The following CLIP1 variants were observed in gnomAD, a reference collection of about 807,000 sequenced individuals.
CLIP1 encodes CAP-Gly domain-containing linker protein 1.
In CLIP1, 66 loss-of-function variants were observed where a neutral mutation model predicts 161.6. The observed-to-expected ratio is 0.41, with a 90% confidence interval of 0.33 to 0.50. The LOEUF (loss-of-function observed/expected upper bound fraction) is 0.50, where lower values mean the gene tolerates loss of function less well. Among genes scored for constraint, CLIP1 ranks in the 20% least tolerant of loss-of-function variants. The pLI, the probability that CLIP1 is intolerant of heterozygous loss-of-function variation, is 0.27. For synonymous variants in CLIP1, 598 were observed against 626.2 expected (o/e 0.96, Z 0.67); for missense variants, 1,376 against 1,702.0 (o/e 0.81, Z 3.37).
intron 1 of CLIP1, among the ~76,000 whole-genome samples, chr12:122,394,806 T>C (rs1279106025): frequency 6.6e-6 from 1 of 152,030 alleles, no homozygotes; most frequent in East Asian, 1.9e-4. Flanking sequence ...TGAGCCGAGA[T>C]TGCATCACTG....
Position 122,328,247 on chromosome 12 carries a change from G to A in CLIP1, c.3033+14C>T, listed in dbSNP as rs191751547. ...TTCCTTGCCAGCCAACAGGCCCACT[G>A]AGTATCTCCTTACCAGGTCCGACAA... On this transcript the variant is annotated intron_variant, in intron 16 of 25. Transcript: ENST00000620786. 3 of 1,613,548 alleles carry A rather than the reference G, an allele frequency of 1.9e-6. No individual in the cohort carries two copies. In the African/African-American group the frequency reaches 4.0e-5, roughly 22 times the overall value.
At chr12:122,390,425 T>A (rs1345930707) in intron 1 of CLIP1, among the ~76,000 whole-genome samples, 5 of 150,766 alleles carry the variant, frequency 3.3e-5, no homozygotes, top group Non-Finnish European at 7.4e-5. Flanking sequence ...GATTCTCCTA[T>A]CTCAGCCTCT....
At chr12:122,380,025 A>C (rs1454778665) in intron 2 of CLIP1, among the ~76,000 whole-genome samples, 2 of 146,462 alleles carry the variant, frequency 1.4e-5, no homozygotes, top group African/African-American at 5.0e-5. Flanking sequence ...TGGGTGGATC[A>C]CGAGGTCAGG....
chr12:122,350,852 C>T (rs956650198), intron 9 of CLIP1, among the ~76,000 whole-genome samples: 7 of 151,912 alleles, frequency 4.6e-5, no homozygotes, highest in Non-Finnish European at 1.0e-4. Flanking sequence ...ACATTTTTCC[C>T]CCCTTTCTGG....
intron 20 of CLIP1, among the ~76,000 whole-genome samples, chr12:122,291,147 C>A (rs1267146818): frequency 1.3e-5 from 2 of 151,240 alleles, no homozygotes. Flanking sequence ...CCCGCCTCAG[C>A]CACCCGAAGT....
chr12:122,291,785 T>C (rs1950260460), intron 20 of CLIP1, among the ~76,000 whole-genome samples: 2 of 152,188 alleles, frequency 1.3e-5, no homozygotes, highest in African/African-American at 4.8e-5. Context: ...GTAATTAATA[T>C]GTATTTTTGG....
At chr12:122,370,796 C>G (rs968498890) in intron 3 of CLIP1, among the ~76,000 whole-genome samples, 4 of 151,774 alleles carry the variant, frequency 2.6e-5, no homozygotes, top group African/African-American at 7.3e-5. Context: ...ATCCAGGACC[C>G]CAAGAATATC....
intron 15 of CLIP1, among the ~76,000 whole-genome samples, chr12:122,329,148 G>A (rs1296480012): frequency 2.0e-5 from 3 of 152,022 alleles, no homozygotes; most frequent in Admixed American, 6.6e-5. Flanking sequence ...TCAACATGGC[G>A]AAACCCCGTC....
Position 122,358,954 on chromosome 12 carries a change from G to C in CLIP1, c.1005+2005C>G, listed in dbSNP as rs145818873. Among the ~76,000 whole-genome samples the C allele has an allele frequency of 7.3e-3, 1,114 of 152,234 alleles. 11 individuals are homozygous for C. Among genetic ancestry groups the C allele is most frequent in the Middle Eastern group, 0.024 (7 of 294 alleles). On this transcript the variant is annotated intron_variant, in intron 5 of 25. Coordinates refer to ENST00000620786, the MANE Select transcript of CLIP1 (RefSeq NM_001247997.2). ...CGTGTGCCTATAATCCCAGCTACTT[G>C]GGAGGCTGAGGCAGGAAAATCGCTT...
chr12:122,310,732 T>G (rs760589572), intron 19 of CLIP1, among the ~76,000 whole-genome samples: 15 of 152,258 alleles, frequency 9.9e-5, no homozygotes, highest in Non-Finnish European at 1.5e-4. Context: ...GAATTTTAAG[T>G]ACATCTGTGT....
At chr12:122,407,430 C>G (rs1047638599) in intron 1 of CLIP1, among the ~76,000 whole-genome samples, 1 of 152,038 alleles carries the variant, frequency 6.6e-6, no homozygotes, top group Non-Finnish European at 1.5e-5. Context: ...CTGACCTCCC[C>G]AGCCAAGGTG....
At chr12:122,330,611 T>G (rs867350636) in intron 15 of CLIP1, among the ~76,000 whole-genome samples, 2 of 134,322 alleles carry the variant, frequency 1.5e-5, no homozygotes, top group African/African-American at 6.6e-5. Context: ...TTTTTTTTTT[T>G]TTTTTTGAGA....
chr12:122,395,332 T>A (rs1017189277), intron 1 of CLIP1: 1 of 152,188 alleles, frequency 6.6e-6, no homozygotes, highest in African/African-American at 2.4e-5. Flanking sequence ...ATGTCTTTAC[T>A]TTTTATCTAT....
chr12:122,380,898 A>C (rs1954982075), intron 1 of CLIP1, among the ~76,000 whole-genome samples: 1 of 151,976 alleles, frequency 6.6e-6, no homozygotes, highest in Non-Finnish European at 1.5e-5. Flanking sequence ...TCTCTACAAA[A>C]ATAAAAATAA....
intron 1 of CLIP1, among the ~76,000 whole-genome samples, chr12:122,409,836 T>G (rs1956463189): frequency 6.6e-6 from 1 of 151,818 alleles, no homozygotes; most frequent in Admixed American, 6.6e-5. Flanking sequence ...CCGGCCTCAT[T>G]TGGATTTTAA....
At position 122,309,328 on chromosome 12, in the gene CLIP1, T is replaced by C. The variant is rs545586882; in HGVS notation, c.3594+434A>G. Among the ~76,000 whole-genome samples the C allele has an allele frequency of 5.9e-5, 9 of 152,354 alleles. No homozygotes were observed. In the South Asian group the frequency reaches 1.7e-3, roughly 28 times the overall value. ...TAATTTAAACAAAAGCAGAGTTCTA[T>C]TTAAAATCAGCTGCCAACACTTACA... On this transcript the variant is annotated intron_variant, in intron 20 of 25. Coordinates refer to ENST00000620786, the MANE Select transcript of CLIP1 (RefSeq NM_001247997.2).
At chr12:122,315,064 G>A (rs972598234) in intron 19 of CLIP1, among the ~76,000 whole-genome samples, 1 of 152,130 alleles carries the variant, frequency 6.6e-6, no homozygotes, top group African/African-American at 2.4e-5. Context: ...GCATCCCCTC[G>A]CAGGAGCAGC....
chr12:122,296,143 T>G (rs1950460843), intron 20 of CLIP1, among the ~76,000 whole-genome samples: 1 of 152,220 alleles, frequency 6.6e-6, no homozygotes, highest in Non-Finnish European at 1.5e-5. Context: ...TTGATTCCAT[T>G]TATGTGACCT....
At position 122,316,804 on chromosome 12, in the gene CLIP1, A is replaced by T. The variant is rs747194945; in HGVS notation, c.3418T>A (p.Ser1140Thr). ...NLKNVEELNK[S>T]KELLTVENQK... ...TTCTCTACAGTCAGGAGTTCTTTTGATTTGTTCAGCTCTTCCACATTTTTC... is the reference window on the plus strand; with the variant it reads ...TTCTCTACAGTCAGGAGTTCTTTTGTTTTGTTCAGCTCTTCCACATTTTTC... The change falls in exon 19 of 26, where the codon TCA becomes ACA. Residue 1140 changes from serine to threonine, a missense_variant. Ser to Thr is a moderately conservative substitution (Grantham distance 58). This residue lies in a region of CLIP1 where 948 missense variants were observed against 1,134.8 expected (regional missense o/e 0.84). Transcript: ENST00000620786. 1 of 1,597,562 alleles carries T rather than the reference A, an allele frequency of 6.3e-7. No individual in the cohort carries two copies. Among genetic ancestry groups the T allele is most frequent in the Admixed American group, 1.7e-5 (1 of 57,358 alleles).
Sources: gnomAD v4.1 joint callset for allele counts (sites outside exome capture counted in the v4.1 genomes callset) on GRCh38, gnomAD v4.1.1 for gene constraint, gnomAD v4.1.1 regional missense constraint, MANE v1.5 for transcripts, NCBI Gene and HGNC (gene_info 2026-07-23, HGNC 2026-07-21) for gene names.